Variants in TENM4 observed in about 807,000 individuals in gnomAD.
The protein encoded by TENM4 is teneurin transmembrane protein 4, also known as teneurin-4.
Under a neutral mutation model 243.3 loss-of-function variants are expected in TENM4, and 82 were observed. The ratio of observed to expected loss-of-function variants is 0.34; its 90% CI spans 0.28 to 0.40. The LOEUF (loss-of-function observed/expected upper bound fraction) is 0.40. Among genes scored for constraint, TENM4 ranks in the 10% least tolerant of loss-of-function variants. The pLI is 1.00. For synonymous variants in TENM4, 1,412 were observed against 1,456.3 expected, an observed-to-expected ratio of 0.97 and a Z score of 0.69; for missense variants, 3,138 against 3,673.3, an observed-to-expected ratio of 0.85 and a Z score of 3.77.
Position 78,656,464 on chromosome 11 carries a change from G to C in TENM4, c.*1594C>G, listed in dbSNP as rs866971104. 6.6e-6 allele frequency: 1 copy of C among 152,370 alleles called. No individual in the cohort carries two copies. Among genetic ancestry groups the C allele is most frequent in the African/African-American group, 2.4e-5 (1 of 41,444 alleles). 9.4% of individuals were successfully genotyped at this position (152,370 alleles called of 1,614,324 possible). A position where few individuals can be genotyped will look rare whatever the true frequency, so the allele number is the denominator to read the frequency against. ...CAGGAATGGAATCCTTGAACAAGGG[G>C]CTCCCAGCTCTGGCTGTGACTCCCC... On this transcript the variant is annotated 3_prime_UTR_variant, in exon 34 of 34. Coordinates refer to ENST00000278550, the MANE Select transcript of TENM4 (RefSeq NM_001098816.3).
intron 2 of TENM4, among the ~76,000 whole-genome samples, chr11:79,262,921 G>T (rs150971105): frequency 1.3e-5 from 2 of 152,314 alleles, no homozygotes; most frequent in East Asian, 3.9e-4. Context: ...GAATTGAGTC[G>T]AATTGAATCA....
At chr11:78,898,791 T>C (rs1176546700) in intron 7 of TENM4, among the ~76,000 whole-genome samples, 2 of 152,222 alleles carry the variant, frequency 1.3e-5, no homozygotes, top group African/African-American at 4.8e-5. Context: ...CATTATTTCC[T>C]GTACTTTTCT....
chr11:78,970,926 T>A (rs1028655692), intron 6 of TENM4, among the ~76,000 whole-genome samples: 4 of 152,200 alleles, frequency 2.6e-5, no homozygotes, highest in Admixed American at 2.0e-4. Flanking sequence ...ATCACTGTTA[T>A]GGGCAATAGA....
chr11:79,216,129 T>C (rs1864047344), intron 2 of TENM4, among the ~76,000 whole-genome samples: 1 of 152,218 alleles, frequency 6.6e-6, no homozygotes, highest in Non-Finnish European at 1.5e-5. Context: ...GAGGCTCAAA[T>C]GTACCTTCTT....
intron 4 of TENM4, among the ~76,000 whole-genome samples, chr11:79,106,180 T>C (rs952473551): frequency 6.6e-6 from 1 of 152,016 alleles, no homozygotes; most frequent in Non-Finnish European, 1.5e-5. Flanking sequence ...AGTCACAGAG[T>C]GAAGAAGTGG....
chr11:79,081,534 G>GTGTGTGT (rs142241805), intron 4 of TENM4, among the ~76,000 whole-genome samples: 2 of 148,176 alleles, frequency 1.3e-5, no homozygotes, highest in Admixed American at 6.7e-5. Context: ...TGTCAGAGGT[G>GTGTGTGT]GTGTGTGTGT....
chr11:78,675,583 T>C (rs1168797568), intron 30 of TENM4, among the ~76,000 whole-genome samples: 2 of 152,164 alleles, frequency 1.3e-5, no homozygotes, highest in Non-Finnish European at 2.9e-5. Flanking sequence ...CATCCACATA[T>C]TCAAAAGCAC....
chr11:79,011,724 G>A (rs891353839), intron 6 of TENM4, among the ~76,000 whole-genome samples: 46 of 152,182 alleles, frequency 3.0e-4, no homozygotes, highest in Non-Finnish European at 4.7e-4. Flanking sequence ...CCACCTGCTG[G>A]GAGAAACTTA....
intron 6 of TENM4, among the ~76,000 whole-genome samples, chr11:79,039,899 C>T (rs1859474679): frequency 6.6e-6 from 1 of 152,310 alleles, no homozygotes; most frequent in African/African-American, 2.4e-5. Context: ...CAGTGTCAGA[C>T]ATGTACTCAG....
chr11:79,198,636 G>A (rs542593229), intron 3 of TENM4, among the ~76,000 whole-genome samples: 6 of 152,348 alleles, frequency 3.9e-5, no homozygotes, highest in Admixed American at 1.3e-4. Flanking sequence ...TAGAGACACC[G>A]TGGCCTTCAA....
At chr11:79,263,617 G>A (rs1320004040) in intron 2 of TENM4, among the ~76,000 whole-genome samples, 2 of 152,194 alleles carry the variant, frequency 1.3e-5, no homozygotes, top group Admixed American at 1.3e-4. Context: ...TGTCTGCTGA[G>A]AACTCCTTCA....
intron 6 of TENM4, among the ~76,000 whole-genome samples, chr11:78,992,815 C>T (rs934751960): frequency 6.6e-6 from 1 of 152,130 alleles, no homozygotes; most frequent in Admixed American, 6.6e-5. Context: ...GCTCTTTGCC[C>T]TTTGCTTTTC....
intron 4 of TENM4, among the ~76,000 whole-genome samples, chr11:79,138,647 C>A (rs1167803869): frequency 1.0e-5 from 1 of 100,028 alleles, no homozygotes; most frequent in African/African-American, 4.4e-5. Context: ...TATATAAATA[C>A]ATAAAACATA....
At chr11:78,677,848 G>A (rs1005509576) in intron 29 of TENM4, among the ~76,000 whole-genome samples, 2 of 140,500 alleles carry the variant, frequency 1.4e-5, no homozygotes, top group African/African-American at 5.3e-5. Flanking sequence ...ATGTATACAT[G>A]TGCCATGCTG....
chr11:79,196,550 A>T (rs1245225989), intron 3 of TENM4, among the ~76,000 whole-genome samples: 2 of 152,022 alleles, frequency 1.3e-5, no homozygotes, highest in East Asian at 3.9e-4. Flanking sequence ...CCTGTGTCTG[A>T]GGAGTCAGCC....
Position 78,805,282 on chromosome 11 carries a change from C to CCCCCCCCCCCCCCCCCCCCCCAGAG in TENM4, c.2179+9_2179+10insCTCTGGGGGGGGGGGGGGGGGGGGG. 1 of 995,566 alleles carries CCCCCCCCCCCCCCCCCCCCCCAGAG rather than the reference C, an allele frequency of 1.0e-6. No homozygotes were observed. Among genetic ancestry groups the CCCCCCCCCCCCCCCCCCCCCCAGAG allele is most frequent in the Non-Finnish European group, 1.2e-6 (1 of 823,788 alleles). The allele number at this position is 995,566 out of a possible 1,614,324, so 61.7% of individuals were successfully genotyped here. ...CCCTCTACCCATGCTTCTTCTCCCC[C>CCCCCCCCCCCCCCCCCCCCCCAGAG]TGCATTTACCGATAGAACAGTCGTG... On this transcript the variant is annotated intron_variant, in intron 15 of 33. Coordinates refer to ENST00000278550, the MANE Select transcript of TENM4 (RefSeq NM_001098816.3).
intron 3 of TENM4, among the ~76,000 whole-genome samples, chr11:79,159,704 C>T (rs531913609): frequency 1.3e-5 from 2 of 152,262 alleles, no homozygotes; most frequent in South Asian, 2.1e-4. Flanking sequence ...GTCTTGCTGC[C>T]GATCGCATCT....
chr11:79,328,590 CGGTGGT>C (rs1205679011), intron 1 of TENM4, among the ~76,000 whole-genome samples: 3 of 151,610 alleles, frequency 2.0e-5, no homozygotes, highest in African/African-American at 2.4e-5. Context: ...GAGGCGGTGG[CGGTGGT>C]GGTGGCGGTG....
intron 7 of TENM4, among the ~76,000 whole-genome samples, chr11:78,898,747 G>C (rs1855851564): frequency 6.6e-6 from 1 of 152,144 alleles, no homozygotes; most frequent in Non-Finnish European, 1.5e-5. Flanking sequence ...GCCCTGTGTT[G>C]TGTGCTGGGG....
Sources: gnomAD v4.1 joint callset for allele counts (sites outside exome capture counted in the v4.1 genomes callset) on GRCh38, gnomAD v4.1.1 for gene constraint, MANE v1.5 for transcripts, NCBI Gene and HGNC (gene_info 2026-07-23, HGNC 2026-07-21) for gene names.